Variants in DLGAP2 observed in about 807,000 individuals in gnomAD.
DLGAP2 encodes DLG associated protein 2.
Under a neutral mutation model 100.3 loss-of-function variants are expected in DLGAP2, and 26 were observed. The observed-to-expected ratio is 0.26, with a 90% confidence interval of 0.19 to 0.36. The LOEUF is 0.36. Among genes scored for constraint, DLGAP2 ranks in the 10% least tolerant of loss-of-function variants. The pLI, the probability that DLGAP2 is intolerant of heterozygous loss-of-function variation, is 1.00. For missense variants in DLGAP2, 1,858 were observed against 1,453.2 expected, an observed-to-expected ratio of 1.28 and a Z score of -4.53; for synonymous variants, 886 against 630.1, an observed-to-expected ratio of 1.41 and a Z score of -6.08.
chr8:1,176,162 G>A lies in DLGAP2; in HGVS notation c.74-82689G>A, dbSNP rs371392796. On this transcript the variant is annotated intron_variant, in intron 2 of 14. Transcript: ENST00000637795. Reference sequence around the variant, plus strand: ...CAGGAAACTTACAATTGTGGTGGAAGATGAAGGGGAAGCAAGGCACGTGTT... The same window carrying A: ...CAGGAAACTTACAATTGTGGTGGAAAATGAAGGGGAAGCAAGGCACGTGTT... Among the ~76,000 whole-genome samples the A allele has an allele frequency of 2.1e-4, 32 of 152,256 alleles. 1 individual carries two copies. The East Asian group carries it at 4.1e-3, about 19-fold the overall frequency.
chr8:774,529 G>A (rs1821458009), intron 1 of DLGAP2, among the ~76,000 whole-genome samples: 1 of 150,026 alleles, frequency 6.7e-6, no homozygotes, highest in Admixed American at 6.6e-5. Flanking sequence ...TTTTGTATAA[G>A]GTGTAAGGAA....
chr8:1,052,270 G>C (rs1802741380), intron 2 of DLGAP2, among the ~76,000 whole-genome samples: 1 of 152,180 alleles, frequency 6.6e-6, no homozygotes, highest in Non-Finnish European at 1.5e-5. Context: ...TCATTCAGCT[G>C]TTTCTTCCTC....
At chr8:1,595,479 A>T (rs1486980213) in intron 6 of DLGAP2, among the ~76,000 whole-genome samples, 1 of 150,798 alleles carries the variant, frequency 6.6e-6, no homozygotes, top group Admixed American at 6.6e-5. Context: ...CTGGCTAACA[A>T]GGTGAAACCC....
intron 3 of DLGAP2, among the ~76,000 whole-genome samples, chr8:1,362,248 G>C (rs945507656): frequency 1.3e-5 from 2 of 152,094 alleles, no homozygotes; most frequent in South Asian, 4.1e-4. Flanking sequence ...GTTCCCCACA[G>C]TGGCAGCTCC....
chr8:1,391,976 CT>C (rs1796368727), intron 3 of DLGAP2, among the ~76,000 whole-genome samples: 2 of 152,246 alleles, frequency 1.3e-5, no homozygotes, highest in Admixed American at 1.3e-4. Flanking sequence ...GCTGTAGGAT[CT>C]TTCAGAAAAC....
rs575618251 is a variant in DLGAP2 at position 1,458,671 on chromosome 8, G to A, written c.107-42695G>A. 3.9e-5 allele frequency among the ~76,000 whole-genome samples: 6 copies of A among 152,348 alleles called. No homozygotes were observed. In the East Asian group the frequency reaches 1.2e-3, roughly 29 times the overall value. On this transcript the variant is annotated intron_variant, in intron 3 of 14. Coordinates refer to ENST00000637795, the MANE Select transcript of DLGAP2 (RefSeq NM_001346810.2). ...AGCACAGACCTGCGTGTGGCTTCAG[G>A]TTGCAGGACAGGGCTCAGAGCAGCC...
intron 2 of DLGAP2, among the ~76,000 whole-genome samples, chr8:1,009,107 C>T (rs1801205540): frequency 6.6e-6 from 1 of 152,176 alleles, no homozygotes; most frequent in African/African-American, 2.4e-5. Context: ...AGCCTGGGGA[C>T]CCTCTTCCAT....
In DLGAP2 at chr8:1,374,910, C is replaced by A. The variant is rs56796572; in HGVS notation, c.106+116027C>A. On this transcript the variant is annotated intron_variant, in intron 3 of 14. Coordinates refer to ENST00000637795, the MANE Select transcript of DLGAP2 (RefSeq NM_001346810.2). ...GACTCGCCTGTTTCACGAGTGGGAT[C>A]CCAAGCCCAATACGACAGCCAGGGC... is the stretch of plus-strand genomic sequence containing the variant. 9.6e-4 allele frequency among the ~76,000 whole-genome samples: 146 copies of A among 152,266 alleles called. 1 individual carries two copies. The highest frequency in any genetic ancestry group is 3.3e-3 in the African/African-American group (138 of 41,552).
intron 3 of DLGAP2, among the ~76,000 whole-genome samples, chr8:1,486,398 C>T (rs1033429340): frequency 1.3e-5 from 2 of 152,284 alleles, no homozygotes; most frequent in Non-Finnish European, 1.5e-5. Context: ...GGGCTGTGTC[C>T]TCTCTGGATC....
Position 1,464,764 on chromosome 8 carries a change from C to G in DLGAP2, c.107-36602C>G, listed in dbSNP as rs538350228. 1.7e-4 allele frequency among the ~76,000 whole-genome samples: 26 copies of G among 152,314 alleles called. 1 individual carries two copies. The highest frequency in any genetic ancestry group is 5.3e-4 in the African/African-American group (22 of 41,560). On this transcript the variant is annotated intron_variant, in intron 3 of 14. Coordinates refer to ENST00000637795, the MANE Select transcript of DLGAP2 (RefSeq NM_001346810.2). Reference sequence around the variant, plus strand: ...AAGGGCTCACTGCCTCACGCCTCACCGTCCTGGCCTCCAGCGAAGCACCGG... The same window carrying G: ...AAGGGCTCACTGCCTCACGCCTCACGGTCCTGGCCTCCAGCGAAGCACCGG...
At chr8:1,483,703 G>GGTGCAGGAGGTGGGGACCAGGGAGGCAT (rs1799166622) in intron 3 of DLGAP2, among the ~76,000 whole-genome samples, 4 of 151,120 alleles carry the variant, frequency 2.6e-5, no homozygotes, top group South Asian at 2.1e-4. Flanking sequence ...CAGGGAGGCA[G>GGTGCAGGAGGTGGGGACCAGGGAGGCAT]GTGCAGGACG....
intron 6 of DLGAP2, among the ~76,000 whole-genome samples, chr8:1,625,860 A>G (rs1436407123): frequency 6.6e-6 from 1 of 152,218 alleles, no homozygotes; most frequent in Non-Finnish European, 1.5e-5. Flanking sequence ...TGAATCTCAG[A>G]ATATTTGCAT....
chr8:1,043,557 G>T (rs1189831875), intron 2 of DLGAP2, among the ~76,000 whole-genome samples: 1 of 152,018 alleles, frequency 6.6e-6, no homozygotes, highest in East Asian at 1.9e-4. Context: ...GCAGTAGGTG[G>T]CTGAGAGACC....
intron 2 of DLGAP2, among the ~76,000 whole-genome samples, chr8:993,705 G>T (rs1342316900): frequency 2.0e-5 from 3 of 151,200 alleles, no homozygotes; most frequent in African/African-American, 7.3e-5. Context: ...GCCTCTCAGG[G>T]ATATTTATAT....
At chr8:1,456,260 T>G (rs1798307208) in intron 3 of DLGAP2, among the ~76,000 whole-genome samples, 1 of 152,204 alleles carries the variant, frequency 6.6e-6, no homozygotes, top group South Asian at 2.1e-4. Flanking sequence ...GCCTTCCTCA[T>G]TGGCAGCATT....
At chr8:1,521,951 A>G (rs1383308215) in intron 4 of DLGAP2, among the ~76,000 whole-genome samples, 4 of 141,926 alleles carry the variant, frequency 2.8e-5, no homozygotes, top group Non-Finnish European at 6.0e-5. Context: ...TTAATTTGGA[A>G]TACTCGGCAG....
chr8:1,042,628 C>A (rs960692129), intron 2 of DLGAP2, among the ~76,000 whole-genome samples: 24 of 152,280 alleles, frequency 1.6e-4, no homozygotes, highest in Non-Finnish European at 2.8e-4. Context: ...CAGGGAAGGC[C>A]TCCACCCTGG....
chr8:1,668,265 A>G, intron 8 of DLGAP2, 64 bp from the exon 9 acceptor site: 1 of 1,400,580 alleles, frequency 7.1e-7, no homozygotes, highest in Non-Finnish European at 9.5e-7. Context: ...GCGTGGGGAA[A>G]CAGTAGACCA....
At chr8:1,480,642 G>C (rs951953139) in intron 3 of DLGAP2, among the ~76,000 whole-genome samples, 1 of 141,842 alleles carries the variant, frequency 7.1e-6, no homozygotes, top group African/African-American at 2.5e-5. Context: ...CTGAGGTCAG[G>C]AGTTCTAGAC....
Sources: allele counts gnomAD v4.1 joint callset (sites outside exome capture counted in the v4.1 genomes callset), GRCh38; gene constraint gnomAD v4.1.1; transcripts MANE v1.5; gene names NCBI Gene and HGNC (gene_info 2026-07-23, HGNC 2026-07-21).